SLC35F1: variants seen among roughly 807,000 people sequenced by gnomAD.
The protein encoded by SLC35F1 is chromosome 6 open reading frame 169.
Under a neutral mutation model 48.7 loss-of-function variants are expected in SLC35F1, and 14 were observed. The observed-to-expected ratio is 0.29, with a 90% CI of 0.19 to 0.45. SLC35F1 has a LOEUF of 0.45. SLC35F1 is among the 20% of genes least tolerant of loss of function. SLC35F1 has a pLI of 1.00. For synonymous variants in SLC35F1, 190 were observed against 202.2 expected, an observed-to-expected ratio of 0.94 and a Z score of 0.51; for missense variants, 404 against 500.0, an observed-to-expected ratio of 0.81 and a Z score of 1.83.
intron 1 of SLC35F1, among the ~76,000 whole-genome samples, chr6:117,911,679 CAA>C (rs1265266973): frequency 6.6e-6 from 1 of 152,048 alleles, no homozygotes; most frequent in African/African-American, 2.4e-5. Context: ...CTCCAGGCCT[CAA>C]GTCACCCTCC....
At position 118,064,024 on chromosome 6, in the gene SLC35F1, A is replaced by T. The variant is rs558715807; in HGVS notation, c.174-90421A>T. On this transcript the variant is annotated intron_variant, in intron 1 of 7. Coordinates refer to ENST00000360388, the MANE Select transcript of SLC35F1 (RefSeq NM_001029858.4). The stretch of plus-strand genomic sequence containing the variant: ...CTGAGACTGGGCAATTTACAAAAGA[A>T]AGAGGTTTAATGGACTTAACAGTTT... Among the ~76,000 whole-genome samples the T allele has an allele frequency of 1.0e-3, 155 of 152,318 alleles. No homozygotes were observed. The Middle Eastern group carries it at 0.01, about 10-fold the overall frequency.
intron 1 of SLC35F1, chr6:117,999,089 T>A: frequency 1.9e-6 from 3 of 1,544,162 alleles, no homozygotes; most frequent in Non-Finnish European, 2.7e-6. Context: ...GGACCCCAAG[T>A]TCCTGAGGAA....
rs945250649 is a variant in SLC35F1 at position 117,990,585 on chromosome 6, A to G, written c.173+82686A>G. Among the ~76,000 whole-genome samples, 23 of 152,180 alleles carry G rather than the reference A, an allele frequency of 1.5e-4. 2 individuals are homozygous for G. The highest frequency in any genetic ancestry group is 1.5e-3 in the Admixed American group (23 of 15,272). On this transcript the variant is annotated intron_variant, in intron 1 of 7. Transcript: ENST00000360388. ...TGCTTGCATTTGCATTGCAATTTGC[A>G]TTTTACAGAGTGATTGCCTGTACAC...
intron 1 of SLC35F1, among the ~76,000 whole-genome samples, chr6:118,150,864 A>G (rs114518030): frequency 6.6e-6 from 1 of 152,158 alleles, no homozygotes; most frequent in Admixed American, 6.5e-5. Context: ...AAAATTCTGC[A>G]AAGTCAACAT....
intron 1 of SLC35F1, among the ~76,000 whole-genome samples, chr6:118,137,592 A>G (rs1163069237): frequency 1.3e-5 from 2 of 152,064 alleles, no homozygotes; most frequent in African/African-American, 2.4e-5. Flanking sequence ...GCACTGGACC[A>G]CCCATATGCA....
chr6:118,003,888 G>GT (rs2114870227), intron 1 of SLC35F1, among the ~76,000 whole-genome samples: 1 of 152,158 alleles, frequency 6.6e-6, no homozygotes, highest in African/African-American at 2.4e-5. Context: ...GGGAGATGAG[G>GT]TAAGAGGAGA....
At chr6:118,043,920 A>G (rs557799644) in intron 1 of SLC35F1, among the ~76,000 whole-genome samples, 1 of 152,236 alleles carries the variant, frequency 6.6e-6, no homozygotes, top group South Asian at 2.1e-4. Context: ...GATTTTCCCT[A>G]TTGTCTGTAC....
intron 1 of SLC35F1, among the ~76,000 whole-genome samples, chr6:118,084,041 G>C (rs563232331): frequency 2.6e-5 from 4 of 152,182 alleles, no homozygotes; most frequent in East Asian, 1.9e-4. Flanking sequence ...AGCCAGATGA[G>C]ATAGAAGTTT....
chr6:117,999,562 A>C, intron 1 of SLC35F1: 1 of 516,136 alleles, frequency 1.9e-6, no homozygotes, highest in Non-Finnish European at 3.1e-6. Flanking sequence ...AATAAACCTG[A>C]GGCAGGAAAA....
chr6:118,298,195 C>CAGAT (rs1304926487), intron 7 of SLC35F1, among the ~76,000 whole-genome samples: 2 of 152,178 alleles, frequency 1.3e-5, no homozygotes, highest in Non-Finnish European at 2.9e-5. Flanking sequence ...TATCCAGTCT[C>CAGAT]AGATATTCCT....
At chr6:118,119,815 T>C (rs1356098182) in intron 1 of SLC35F1, among the ~76,000 whole-genome samples, 1 of 152,098 alleles carries the variant, frequency 6.6e-6, no homozygotes, top group African/African-American at 2.4e-5. Flanking sequence ...AGATAAGAGA[T>C]AAAATAAGTT....
chr6:118,295,480 A>G (rs1294325294), intron 7 of SLC35F1, among the ~76,000 whole-genome samples: 1 of 152,148 alleles, frequency 6.6e-6, no homozygotes, highest in Admixed American at 6.5e-5. Flanking sequence ...GAGACTGGAA[A>G]CTTTCATTAA....
chr6:118,275,172 T>G (rs1463209779), intron 4 of SLC35F1, among the ~76,000 whole-genome samples: 1 of 152,164 alleles, frequency 6.6e-6, no homozygotes, highest in Non-Finnish European at 1.5e-5. Flanking sequence ...AGTGAAAATC[T>G]GATACCTGGA....
intron 2 of SLC35F1, among the ~76,000 whole-genome samples, chr6:118,232,504 C>T (rs913744172): frequency 1.2e-4 from 18 of 145,086 alleles, no homozygotes; most frequent in Non-Finnish European, 1.5e-4. Context: ...GCCAAGATCG[C>T]GCCATTGCAC....
intron 3 of SLC35F1, among the ~76,000 whole-genome samples, chr6:118,254,236 A>C (rs535706653): frequency 6.6e-6 from 1 of 152,284 alleles, no homozygotes; most frequent in East Asian, 1.9e-4. Context: ...CTTAGTAGGC[A>C]TTCAATAAAT....
intron 1 of SLC35F1, among the ~76,000 whole-genome samples, chr6:117,989,802 A>G (rs767963416): frequency 6.6e-6 from 1 of 152,182 alleles, no homozygotes. Context: ...AAGCTTTGGT[A>G]TGCTTTAAGA....
intron 2 of SLC35F1, among the ~76,000 whole-genome samples, chr6:118,199,430 C>T (rs541470664): frequency 5.2e-4 from 79 of 152,262 alleles, no homozygotes; most frequent in African/African-American, 1.8e-3. Flanking sequence ...TGTAAGGCTA[C>T]GTACCATTCT....
chr6:118,164,751 G>A (rs1232266700), intron 2 of SLC35F1, among the ~76,000 whole-genome samples: 1 of 152,174 alleles, frequency 6.6e-6, no homozygotes, highest in Non-Finnish European at 1.5e-5. Flanking sequence ...CTACCATGGA[G>A]ACTCTGAAAT....
intron 1 of SLC35F1, among the ~76,000 whole-genome samples, chr6:118,073,348 C>G (rs1274139916): frequency 6.6e-6 from 1 of 152,092 alleles, no homozygotes; most frequent in East Asian, 1.9e-4. Context: ...TTGGAAGCTG[C>G]CAAAACTCAC....
Sources: gnomAD v4.1 joint callset for allele counts (sites outside exome capture counted in the v4.1 genomes callset) on GRCh38, gnomAD v4.1.1 for gene constraint, MANE v1.5 for transcripts, NCBI Gene and HGNC (gene_info 2026-07-23, HGNC 2026-07-21) for gene names.